The following SLC7A11 variants were observed in gnomAD, a reference collection of about 807,000 sequenced individuals.
The protein encoded by SLC7A11 is solute carrier family 7 member 11, also known as cystine/glutamate transporter.
Under a neutral mutation model 54.5 loss-of-function variants are expected in SLC7A11, and 35 were observed. That is an observed-to-expected ratio of 0.64 (90% CI 0.49 to 0.85). The LOEUF (loss-of-function observed/expected upper bound fraction) is 0.85, where lower values mean the gene tolerates loss of function less well. Among genes scored for constraint, SLC7A11 ranks in the 40% least tolerant of loss-of-function variants. The pLI, the probability that SLC7A11 is intolerant of heterozygous loss-of-function variation, is 0.00. For synonymous variants in SLC7A11, 230 were observed against 225.2 expected, an observed-to-expected ratio of 1.02 and a Z score of -0.19; for missense variants, 583 against 618.1, an observed-to-expected ratio of 0.94 and a Z score of 0.60.
rs1230567448 is a variant in SLC7A11 at position 138,168,271 on chromosome 4, C to G, written c.*3685G>C. On this transcript the variant is annotated 3_prime_UTR_variant, in exon 12 of 12. Transcript: ENST00000280612. Reference sequence around the variant, plus strand: ...TTCATTAGCTTCCTGCGAGATCCACCTATGCACAGCAAACAACTAATTTTT... The same window carrying G: ...TTCATTAGCTTCCTGCGAGATCCACGTATGCACAGCAAACAACTAATTTTT... 6.6e-6 allele frequency: 1 copy of G among 152,164 alleles called. No homozygotes were observed. Among genetic ancestry groups the G allele is most frequent in the Non-Finnish European group, 1.5e-5 (1 of 68,020 alleles). 9.4% of individuals were successfully genotyped at this position (152,164 alleles called of 1,614,324 possible).
intron 6 of SLC7A11, among the ~76,000 whole-genome samples, chr4:138,211,488 C>T (rs1441223647): frequency 6.6e-6 from 1 of 151,756 alleles, no homozygotes; most frequent in Admixed American, 6.6e-5. Flanking sequence ...GCTCTCAAAC[C>T]ACTAAAAATA....
At position 138,167,978 on chromosome 4, in the gene SLC7A11, A is replaced by G. The variant is rs1266083761; in HGVS notation, c.*3978T>C. ...TATCTCCCTATATATCACATCATATATATTGTGAGAAAGTCACTTGTTATA... is the reference window on the plus strand; with the variant it reads ...TATCTCCCTATATATCACATCATATGTATTGTGAGAAAGTCACTTGTTATA... On this transcript the variant is annotated 3_prime_UTR_variant, in exon 12 of 12. Coordinates refer to ENST00000280612, the MANE Select transcript of SLC7A11 (RefSeq NM_014331.4). The G allele has an allele frequency of 6.6e-6, 1 of 152,230 alleles. No individual in the cohort carries two copies. The highest frequency in any genetic ancestry group is 6.5e-5 in the Admixed American group (1 of 15,278). 9.4% of individuals were successfully genotyped at this position (152,230 alleles called of 1,614,324 possible).
intron 6 of SLC7A11, among the ~76,000 whole-genome samples, chr4:138,192,400 A>T (rs1737032350): frequency 6.6e-6 from 1 of 152,172 alleles, no homozygotes. Flanking sequence ...TGATGAAAGG[A>T]ATACGGGTCA....
chr4:138,214,743 A>G, intron 5 of SLC7A11, 114 bp from the exon 6 acceptor site: 1 of 358,654 alleles, frequency 2.8e-6, no homozygotes, highest in Non-Finnish European at 5.1e-6. Context: ...AACAATACTT[A>G]TAGTAAGATG....
At chr4:138,197,091 T>C (rs1206156117) in intron 6 of SLC7A11, among the ~76,000 whole-genome samples, 1 of 152,242 alleles carries the variant, frequency 6.6e-6, no homozygotes, top group Non-Finnish European at 1.5e-5. Context: ...ATCTTATTAT[T>C]TCTAGTGCAG....
At chr4:138,175,376 C>A (rs1274130604) in intron 11 of SLC7A11, among the ~76,000 whole-genome samples, 4 of 152,108 alleles carry the variant, frequency 2.6e-5, no homozygotes, top group Non-Finnish European at 5.9e-5. Flanking sequence ...CCAGTCACCT[C>A]ACTCAACCCC....
chr4:138,180,511 C>T (rs1736710727), intron 10 of SLC7A11, 130 bp downstream of exon 10: 6 of 864,522 alleles, frequency 6.9e-6, no homozygotes, highest in Non-Finnish European at 1.0e-5. Context: ...GCACTGCCTG[C>T]AAGAGTTAAA....
chr4:138,172,083 A>G (rs1262796038), intron 11 of SLC7A11, 66 bp from the exon 12 acceptor site: 4 of 1,495,998 alleles, frequency 2.7e-6, no homozygotes, highest in African/African-American at 1.4e-5. Context: ...ATAGCAAAAT[A>G]TGAATTATTT....
chr4:138,238,163 G>T (rs1269239129), intron 1 of SLC7A11, among the ~76,000 whole-genome samples: 1 of 151,986 alleles, frequency 6.6e-6, no homozygotes, highest in Non-Finnish European at 1.5e-5. Context: ...CATAAAATTG[G>T]ACAAATATGC....
At position 138,185,235 on chromosome 4, in the gene SLC7A11, G is replaced by T; in HGVS notation, c.801C>A (p.Pro267=). The T allele has an allele frequency of 6.2e-7, 1 of 1,612,606 alleles. No individual in the cohort carries two copies. Among genetic ancestry groups the T allele is most frequent in the South Asian group, 1.1e-5 (1 of 91,046 alleles). The change falls in exon 7 of 12, where the codon CCC becomes CCA. Residue 267 remains proline (P), a synonymous_variant. Coordinates refer to ENST00000280612, the MANE Select transcript of SLC7A11 (RefSeq NM_014331.4). ...EEVENPEKTI[P]LAICISMAIV... ...TGGCCATGGATATACATATTGCAAG[G>T]GGAATGGTTCTGAAATGCACAAAGG...
In SLC7A11 at chr4:138,166,388, TAC is replaced by T. The variant is rs1490546654; in HGVS notation, c.*5566_*5567del. On this transcript the variant is annotated 3_prime_UTR_variant, in exon 12 of 12. Transcript: ENST00000280612. The stretch of plus-strand genomic sequence containing the variant: ...ACCCTGTCACACAAGGTACTCAAAA[TAC>T]AGTCACCACTGCAAAAGAGATACCT... 1 of 152,284 alleles carries T rather than the reference TAC, an allele frequency of 6.6e-6. No homozygotes were observed. Among genetic ancestry groups the T allele is most frequent in the African/African-American group, 2.4e-5 (1 of 41,456 alleles). 9.4% of individuals were successfully genotyped at this position (152,284 alleles called of 1,614,324 possible).
chr4:138,241,451 C>T (rs1208511802), intron 1 of SLC7A11, among the ~76,000 whole-genome samples: 1 of 152,168 alleles, frequency 6.6e-6, no homozygotes, highest in East Asian at 1.9e-4. Context: ...TGCCAGAATG[C>T]CCAAGCTAAG....
At chr4:138,201,600 G>C (rs1737287959) in intron 6 of SLC7A11, among the ~76,000 whole-genome samples, 1 of 152,068 alleles carries the variant, frequency 6.6e-6, no homozygotes, top group Admixed American at 6.6e-5. Flanking sequence ...TTTCAAGTAA[G>C]AGTGTCTTTT....
At chr4:138,205,115 TATC>T (rs1737377372) in intron 6 of SLC7A11, among the ~76,000 whole-genome samples, 1 of 152,004 alleles carries the variant, frequency 6.6e-6, no homozygotes, top group South Asian at 2.1e-4. Context: ...ATATAGGGAT[TATC>T]ATCTTCCATT....
At position 138,232,339 on chromosome 4, in the gene SLC7A11, T is replaced by G. The variant is rs149230402; in HGVS notation, c.448A>C (p.Ile150Leu). Residue 150 changes from isoleucine to leucine, a missense_variant, in exon 3 of 12, where the codon ATT becomes CTT. By Grantham distance (5) the Ile-to-Leu change is conservative. Coordinates refer to ENST00000280612, the MANE Select transcript of SLC7A11 (RefSeq NM_014331.4). ...CATTGAATAAAAAATGGTTCCAGAA[T>G]GTAGCGTCCAAATGCCAGGGATATC... ...AVISLAFGRY[I>L]LEPFFIQCEI... 17 of 1,613,618 alleles carry G rather than the reference T, an allele frequency of 1.1e-5. No homozygotes were observed. Among genetic ancestry groups the G allele is most frequent in the African/African-American group, 1.3e-5 (1 of 74,862 alleles).
chr4:138,240,899 T>C (rs1463229675), intron 1 of SLC7A11, among the ~76,000 whole-genome samples: 1 of 152,180 alleles, frequency 6.6e-6, no homozygotes, highest in Non-Finnish European at 1.5e-5. Flanking sequence ...GCCTACTCCA[T>C]AAGGGGGCAT....
intron 6 of SLC7A11, among the ~76,000 whole-genome samples, chr4:138,211,685 T>C (rs147569496): frequency 1.4e-3 from 208 of 152,032 alleles, no homozygotes; most frequent in African/African-American, 4.6e-3. Flanking sequence ...AAACACACAC[T>C]AGAATACTAT....
At chr4:138,228,126 C>A (rs1737986207) in intron 3 of SLC7A11, among the ~76,000 whole-genome samples, 1 of 152,068 alleles carries the variant, frequency 6.6e-6, no homozygotes, top group Admixed American at 6.6e-5. Context: ...TTTCACAATA[C>A]AATCACAAAT....
At chr4:138,180,040 A>T (rs527669810) in intron 10 of SLC7A11, among the ~76,000 whole-genome samples, 139 of 108,618 alleles carry the variant, frequency 1.3e-3, no homozygotes, top group African/African-American at 4.2e-3. Context: ...TCTGAAGAAG[A>T]TGACAAGCTT....
Sources: gnomAD v4.1 joint callset for allele counts (sites outside exome capture counted in the v4.1 genomes callset) on GRCh38, gnomAD v4.1.1 for gene constraint, MANE v1.5 for transcripts, NCBI Gene and HGNC (gene_info 2026-07-23, HGNC 2026-07-21) for gene names.